Variants in EPHB2 observed in about 807,000 individuals in gnomAD.
The protein encoded by EPHB2 is ephrin type-B receptor 2.
Under a neutral mutation model 96.4 loss-of-function variants are expected in EPHB2, and 18 were observed. That is an observed-to-expected ratio of 0.19 (90% CI 0.13 to 0.28). EPHB2 has a LOEUF of 0.28. EPHB2 is among the 10% of genes least tolerant of loss of function. EPHB2 has a pLI of 1.00. For synonymous variants in EPHB2, 506 were observed against 534.1 expected (o/e 0.95, Z 0.72); for missense variants, 989 against 1,355.4 (o/e 0.73, Z 4.25).
chr1:22,762,858 C>T (rs939537293), intron 1 of EPHB2, among the ~76,000 whole-genome samples: 5 of 152,148 alleles, frequency 3.3e-5, no homozygotes, highest in Admixed American at 3.3e-4. Context: ...TGCAGTGGCT[C>T]ATCATAAGGA....
At chr1:22,718,130 T>TC (rs1316233425) in intron 1 of EPHB2, among the ~76,000 whole-genome samples, 1 of 152,038 alleles carries the variant, frequency 6.6e-6, no homozygotes, top group Non-Finnish European at 1.5e-5. Context: ...TCTCCAGCTC[T>TC]CCCCCACCCA....
chr1:22,854,420 G>C (rs935470440), intron 3 of EPHB2, among the ~76,000 whole-genome samples: 1 of 152,204 alleles, frequency 6.6e-6, no homozygotes, highest in Non-Finnish European at 1.5e-5. Flanking sequence ...GCTGAAGTGG[G>C]AGGATCACAT....
chr1:22,891,549 G>T (rs1639387672), intron 6 of EPHB2, among the ~76,000 whole-genome samples: 1 of 152,334 alleles, frequency 6.6e-6, no homozygotes, highest in South Asian at 2.1e-4. Context: ...GGGAAGTTTT[G>T]CCGGGCGGCT....
At chr1:22,727,796 C>CA (rs369225615) in intron 1 of EPHB2, among the ~76,000 whole-genome samples, 1,723 of 74,244 alleles carry the variant, frequency 0.023, 17 homozygotes, top group Non-Finnish European at 0.039. Flanking sequence ...AAAAAAAAAA[C>CA]AAAAAAAAAA....
At chr1:22,911,102 T>C (rs911825434) in intron 14 of EPHB2, among the ~76,000 whole-genome samples, 1 of 151,634 alleles carries the variant, frequency 6.6e-6, no homozygotes, top group Non-Finnish European at 1.5e-5. Flanking sequence ...ATCGTGCCAC[T>C]GCACTCCAAC....
intron 1 of EPHB2, among the ~76,000 whole-genome samples, chr1:22,764,765 C>A (rs1344001001): frequency 1.3e-5 from 2 of 152,088 alleles, no homozygotes; most frequent in African/African-American, 4.8e-5. Flanking sequence ...CTGCTGAGGC[C>A]ACTCTCTCAG....
intron 3 of EPHB2, among the ~76,000 whole-genome samples, chr1:22,862,055 G>C (rs891720879): frequency 1.3e-5 from 2 of 152,248 alleles, no homozygotes; most frequent in Non-Finnish European, 2.9e-5. Flanking sequence ...AACCCAGCAG[G>C]CTGAAGCTGG....
At chr1:22,909,992 G>A (rs1264201596) in intron 13 of EPHB2, among the ~76,000 whole-genome samples, 1 of 152,162 alleles carries the variant, frequency 6.6e-6, no homozygotes, top group East Asian at 1.9e-4. Flanking sequence ...AATCAAGCAT[G>A]TGGCCATGTG....
intron 5 of EPHB2, among the ~76,000 whole-genome samples, chr1:22,870,423 A>G (rs1428045366): frequency 6.6e-6 from 1 of 152,174 alleles, no homozygotes; most frequent in Non-Finnish European, 1.5e-5. Context: ...CCCAGGAGTC[A>G]GTCTGGCTGT....
intron 2 of EPHB2, among the ~76,000 whole-genome samples, chr1:22,783,886 C>T (rs1265861546): frequency 6.6e-6 from 1 of 152,150 alleles, no homozygotes; most frequent in Admixed American, 6.5e-5. Flanking sequence ...CTGTCTTCCC[C>T]ATCATCCTAG....
At chr1:22,721,481 G>A (rs1239433572) in intron 1 of EPHB2, among the ~76,000 whole-genome samples, 1 of 152,160 alleles carries the variant, frequency 6.6e-6, no homozygotes, top group Non-Finnish European at 1.5e-5. Context: ...CTTGACTGTT[G>A]GAAGTATAAT....
At chr1:22,816,576 C>A (rs990372877) in intron 3 of EPHB2, among the ~76,000 whole-genome samples, 8 of 152,184 alleles carry the variant, frequency 5.3e-5, no homozygotes, top group Non-Finnish European at 8.8e-5. Context: ...CCCCTGCCAC[C>A]CTCCCACCTG....
chr1:22,826,055 C>A (rs1431990384), intron 3 of EPHB2, among the ~76,000 whole-genome samples: 1 of 152,096 alleles, frequency 6.6e-6, no homozygotes, highest in Non-Finnish European at 1.5e-5. Flanking sequence ...TAAGCTGTAA[C>A]CCTGAGGGCA....
intron 1 of EPHB2, among the ~76,000 whole-genome samples, chr1:22,739,279 G>A (rs1419099614): frequency 1.3e-5 from 2 of 151,974 alleles, no homozygotes; most frequent in Admixed American, 6.6e-5. Context: ...GCAGTGGCAT[G>A]ATCTCGGCTC....
intron 2 of EPHB2, among the ~76,000 whole-genome samples, chr1:22,783,066 C>T (rs1365027815): frequency 1.3e-5 from 2 of 152,152 alleles, no homozygotes; most frequent in Admixed American, 6.5e-5. Context: ...TGCCCAAGGC[C>T]ACTCATCAAG....
chr1:22,792,897 G>A (rs888292195), intron 3 of EPHB2, among the ~76,000 whole-genome samples: 8 of 152,178 alleles, frequency 5.3e-5, no homozygotes, highest in African/African-American at 1.7e-4. Flanking sequence ...GCTGACGGAG[G>A]CACCCAGCCC....
At chr1:22,811,863 A>AC (rs1337959067) in intron 3 of EPHB2, among the ~76,000 whole-genome samples, 1 of 151,566 alleles carries the variant, frequency 6.6e-6, no homozygotes, top group African/African-American at 2.4e-5. Context: ...ACATAGTGAG[A>AC]CCCCATCTCT....
intron 1 of EPHB2, among the ~76,000 whole-genome samples, chr1:22,779,328 GC>G (rs1468581290): frequency 6.6e-6 from 1 of 152,180 alleles, no homozygotes; most frequent in East Asian, 1.9e-4. Context: ...CCCTGTGCCA[GC>G]CCCCAGTGCA....
rs1639953599 is a variant in EPHB2 at position 22,907,422 on chromosome 1, G to A, written c.2136+465G>A. On this transcript the variant is annotated intron_variant, in intron 11 of 15. Transcript: ENST00000374630. ...GTTCTCCAAAGCTCTATAGGCTGGT[G>A]GGAGGAGTTCAGAGCACAAGGCCAA... Among the ~76,000 whole-genome samples the A allele has an allele frequency of 3.3e-5, 5 of 152,290 alleles. No homozygotes were observed. In the South Asian group the frequency reaches 1.0e-3, roughly 32 times the overall value.
Sources: gnomAD v4.1 joint callset for allele counts (sites outside exome capture counted in the v4.1 genomes callset) on GRCh38, gnomAD v4.1.1 for gene constraint, MANE v1.5 for transcripts, NCBI Gene and HGNC (gene_info 2026-07-23, HGNC 2026-07-21) for gene names.